KMT5A: variants seen among roughly 807,000 people sequenced by gnomAD.
KMT5A encodes the protein lysine methyltransferase 5A, also known as N-lysine methyltransferase KMT5A.
KMT5A carries 6 observed loss-of-function variants against 40.6 expected under a neutral mutation model. That is an observed-to-expected ratio of 0.15 (90% CI 0.08 to 0.29). The LOEUF (loss-of-function observed/expected upper bound fraction) is 0.29. Ranked by LOEUF, KMT5A falls within the 10% of genes least tolerant of loss-of-function variation. The pLI is 1.00. For synonymous variants in KMT5A, 153 were observed against 178.8 expected (o/e 0.86, Z 1.15); for missense variants, 308 against 459.1 (o/e 0.67, Z 3.01).
At chr12:123,399,163 G>C (rs1200758118) in intron 5 of KMT5A, among the ~76,000 whole-genome samples, 1 of 152,244 alleles carries the variant, frequency 6.6e-6, no homozygotes, top group Non-Finnish European at 1.5e-5. Flanking sequence ...GCTTCCTCAT[G>C]CCCAGCTCGG....
At chr12:123,405,713 G>T (rs1361812944) in intron 7 of KMT5A, among the ~76,000 whole-genome samples, 2 of 151,228 alleles carry the variant, frequency 1.3e-5, no homozygotes, top group African/African-American at 2.4e-5. Context: ...TAGAGACAGG[G>T]TTTCATTATG....
At chr12:123,399,274 A>T (rs1361768608) in intron 5 of KMT5A, among the ~76,000 whole-genome samples, 2 of 152,230 alleles carry the variant, frequency 1.3e-5, no homozygotes, top group Non-Finnish European at 2.9e-5. Flanking sequence ...CCAACCTTGT[A>T]TCCCTCCCAC....
At chr12:123,398,142 C>T (rs759637541) in intron 5 of KMT5A, among the ~76,000 whole-genome samples, 3 of 151,926 alleles carry the variant, frequency 2.0e-5, no homozygotes, top group Non-Finnish European at 4.4e-5. Flanking sequence ...ATTAGCCAGG[C>T]ATGATGGCAG....
chr12:123,387,598 C>A (rs1400037474), intron 1 of KMT5A, among the ~76,000 whole-genome samples: 3 of 152,214 alleles, frequency 2.0e-5, no homozygotes, highest in Admixed American at 6.5e-5. Flanking sequence ...GTACCTAGCC[C>A]ACTGGAGTTA....
chr12:123,389,425 T>C lies in KMT5A; in HGVS notation c.11-8T>C, dbSNP rs2139159580. ...CCTCCCCCGCTTCCCCCGGGTCCCC[T>C]TCTCCAGGCAGGAAGATGTCCAAGC... is the stretch of plus-strand genomic sequence containing the variant. On this transcript the variant is annotated splice_polypyrimidine_tract_variant and splice_region_variant and intron_variant, in intron 1 of 7. Coordinates refer to ENST00000402868, the MANE Select transcript of KMT5A (RefSeq NM_020382.7). The C allele has an allele frequency of 2.9e-6, 3 of 1,042,362 alleles. No homozygotes were observed. The highest frequency in any genetic ancestry group is 9.0e-5 in the South Asian group (2 of 22,330). 64.6% of individuals were successfully genotyped at this position (1,042,362 alleles called of 1,614,324 possible).
rs536479573 is a variant in KMT5A, at chr12:123,403,991, C to T, written c.657+359C>T. Reference sequence around the variant, plus strand: ...GGAAACCCTTACCCATTACTTACCACTGCCCACCATCCCCACCTCTCCCCT... The same window carrying T: ...GGAAACCCTTACCCATTACTTACCATTGCCCACCATCCCCACCTCTCCCCT... On this transcript the variant is annotated intron_variant, in intron 6 of 7. Coordinates refer to ENST00000402868, the MANE Select transcript of KMT5A (RefSeq NM_020382.7). Among the ~76,000 whole-genome samples the T allele has an allele frequency of 3.2e-3, 483 of 152,268 alleles. 3 individuals carry two copies. The highest frequency in any genetic ancestry group is 5.8e-3 in the Non-Finnish European group (393 of 68,020).
rs138204758 is a variant in KMT5A at position 123,407,583 on chromosome 12, C to T, written c.939C>T (p.Asp313=). Residue 313 remains aspartate (D), a synonymous_variant, in exon 8 of 8, where the codon GAC becomes GAT. Transcript: ENST00000402868. The stretch of plus-strand genomic sequence containing the variant: ...GCCAAACCAAACTGCACGACATCGA[C>T]GGCGTACCTCACCTCATCCTCATCG... ...GNCQTKLHDI[D]GVPHLILIAS... is the part of the protein sequence containing the mutation. 1.4e-4 allele frequency: 226 copies of T among 1,613,912 alleles called. 1 individual carries two copies. The highest frequency in any genetic ancestry group is 1.3e-3 in the South Asian group (118 of 91,060).
chr12:123,392,087 A>G (rs1877358277), intron 3 of KMT5A, among the ~76,000 whole-genome samples: 3 of 152,160 alleles, frequency 2.0e-5, no homozygotes, highest in Admixed American at 2.0e-4. Flanking sequence ...TCACACACAC[A>G]GGACTGTTTT....
Position 123,399,032 on chromosome 12 carries a change from T to C in KMT5A, c.597+2600T>C, listed in dbSNP as rs529985861. On this transcript the variant is annotated intron_variant, in intron 5 of 7. Transcript: ENST00000402868. ...GCTGGATTTGGACACAAGGTGGGCC[T>C]TGGAGAGATGCCCTATCCACCAAGT... Among the ~76,000 whole-genome samples the C allele has an allele frequency of 3.3e-5, 5 of 152,352 alleles. No individual in the cohort carries two copies. In the South Asian group the frequency reaches 1.0e-3, roughly 32 times the overall value.
rs573211446 is a variant in KMT5A at position 123,408,516 on chromosome 12, C to T, written c.*813C>T. On this transcript the variant is annotated 3_prime_UTR_variant, in exon 8 of 8. Coordinates refer to ENST00000402868, the MANE Select transcript of KMT5A (RefSeq NM_020382.7). ...AAAAAATTAAAAATAAAAAAAACCA[C>T]AGAAAACAACTTTACATGTATATAG... is the stretch of plus-strand genomic sequence containing the variant. 1 of 142,358 alleles carries T rather than the reference C, an allele frequency of 7.0e-6. No homozygotes were observed. The highest frequency in any genetic ancestry group is 2.6e-5 in the African/African-American group (1 of 38,420). The allele number at this position is 142,358 out of a possible 1,614,324, so 8.8% of individuals were successfully genotyped here.
rs1433378503 is a variant in KMT5A, at chr12:123,396,424, G to A, written c.589G>A (p.Glu197Lys). Residue 197 changes from glutamate to lysine, a missense_variant, in exon 5 of 8, where the codon GAG becomes AAG. Physicochemically the swap from Glu to Lys is moderately conservative, Grantham distance 56 (BLOSUM62 1). Coordinates refer to ENST00000402868, the MANE Select transcript of KMT5A (RefSeq NM_020382.7). ...VRRSSRKSKA[E>K]LQSEERKRID... ...AAGGAGCTCCAGGAAGAGCAAAGCC[G>A]AGCTGCAGGTAGTCACGTGCTTTAA... 2.5e-6 allele frequency: 4 copies of A among 1,614,016 alleles called. No individual in the cohort carries two copies. Among genetic ancestry groups the A allele is most frequent in the South Asian group, 2.2e-5 (2 of 91,074 alleles).
chr12:123,388,554 A>G (rs1226917559), intron 1 of KMT5A: 1 of 151,314 alleles, frequency 6.6e-6, no homozygotes, highest in East Asian at 2.0e-4. Flanking sequence ...CAGTGTCACC[A>G]TTGTAAGCTG....
intron 3 of KMT5A, among the ~76,000 whole-genome samples, chr12:123,393,365 C>T: frequency 6.6e-6 from 1 of 152,078 alleles, no homozygotes; most frequent in East Asian, 1.9e-4. Context: ...CTTCGATTCC[C>T]CATCCCTCTA....
At chr12:123,401,645 G>A (rs1405032671) in intron 5 of KMT5A, among the ~76,000 whole-genome samples, 5 of 150,886 alleles carry the variant, frequency 3.3e-5, no homozygotes, top group South Asian at 2.1e-4. Context: ...GCAGTGGTGC[G>A]ATCTTGGCCT....
At position 123,390,669 on chromosome 12, in the gene KMT5A, A is replaced by G. The variant is rs1157488924; in HGVS notation, c.172A>G (p.Met58Val). ...CGGGCAGTCAAAGATCTATTCCTAC[A>G]TGAGCCCGAACAAATGCTCTGGAAT... ...FTGQSKIYSY[M>V]SPNKCSGMRF... The change falls in exon 3 of 8, where the codon ATG becomes GTG. Residue 58 changes from methionine (M) to valine (V), a missense_variant. Met to Val is a conservative substitution (Grantham distance 21). This residue lies in a region of KMT5A where 92 missense variants were observed against 78.3 expected (regional missense o/e 1.18). Coordinates refer to ENST00000402868, the MANE Select transcript of KMT5A (RefSeq NM_020382.7). The G allele has an allele frequency of 2.5e-6, 4 of 1,613,938 alleles. No homozygotes were observed. Among genetic ancestry groups the G allele is most frequent in the Non-Finnish European group, 3.4e-6 (4 of 1,179,844 alleles).
At chr12:123,397,085 C>G (rs1171391034) in intron 5 of KMT5A, among the ~76,000 whole-genome samples, 1 of 152,262 alleles carries the variant, frequency 6.6e-6, no homozygotes, top group East Asian at 1.9e-4. Context: ...CTCCCGTCTG[C>G]TCTTTCCCAC....
intron 5 of KMT5A, among the ~76,000 whole-genome samples, chr12:123,399,008 C>T (rs1877952271): frequency 6.6e-6 from 1 of 152,256 alleles, no homozygotes; most frequent in Non-Finnish European, 1.5e-5. Context: ...ATCAGGGCTG[C>T]TGGATTTGGA....
At chr12:123,393,253 G>A (rs1360203384) in intron 3 of KMT5A, among the ~76,000 whole-genome samples, 1 of 152,148 alleles carries the variant, frequency 6.6e-6, no homozygotes, top group East Asian at 1.9e-4. Context: ...TAAAGCGTAT[G>A]AGTCGGTGGT....
At chr12:123,386,391 T>C (rs1876875370) in intron 1 of KMT5A, among the ~76,000 whole-genome samples, 1 of 151,970 alleles carries the variant, frequency 6.6e-6, no homozygotes, top group Non-Finnish European at 1.5e-5. Flanking sequence ...AATTTTTGTA[T>C]TTTTAGTAGA....
Sources: allele counts gnomAD v4.1 joint callset (sites outside exome capture counted in the v4.1 genomes callset), GRCh38; gene constraint gnomAD v4.1.1; regional missense constraint gnomAD v4.1.1; transcripts MANE v1.5; gene names NCBI Gene and HGNC (gene_info 2026-07-23, HGNC 2026-07-21).